Variants in ARHGAP39 observed in about 807,000 individuals in gnomAD.
The protein encoded by ARHGAP39 is rho GTPase-activating protein 39.
A neutral mutation model predicts 106.9 loss-of-function variants in ARHGAP39; 44 were observed. The observed-to-expected ratio is 0.41, with a 90% CI of 0.32 to 0.53. The LOEUF is 0.53. Among genes scored for constraint, ARHGAP39 ranks in the 20% least tolerant of loss-of-function variants. The pLI is 0.21. For missense variants in ARHGAP39, 1,496 were observed against 1,577.3 expected (o/e 0.95, Z 0.87); for synonymous variants, 768 against 693.2 (o/e 1.11, Z -1.69).
intron 1 of ARHGAP39, among the ~76,000 whole-genome samples, chr8:144,609,252 TG>T (rs1212488164): frequency 1.3e-5 from 2 of 152,254 alleles, no homozygotes; most frequent in African/African-American, 4.8e-5. Flanking sequence ...TGTTGGATTT[TG>T]TAAAATACTT....
At chr8:144,572,305 G>A (rs1275972534) in intron 3 of ARHGAP39, among the ~76,000 whole-genome samples, 1 of 152,076 alleles carries the variant, frequency 6.6e-6, no homozygotes, top group Non-Finnish European at 1.5e-5. Flanking sequence ...CAGAACAGAG[G>A]CCTCAGAAAT....
At chr8:144,592,481 G>GA (rs1819442906) in intron 2 of ARHGAP39, among the ~76,000 whole-genome samples, 1 of 122,652 alleles carries the variant, frequency 8.2e-6, no homozygotes, top group Non-Finnish European at 1.7e-5. Flanking sequence ...CCTCCTGGGG[G>GA]ACAGCACTGA....
intron 1 of ARHGAP39, among the ~76,000 whole-genome samples, chr8:144,609,269 G>T (rs1248155836): frequency 6.6e-6 from 1 of 152,026 alleles, no homozygotes; most frequent in Non-Finnish European, 1.5e-5. Flanking sequence ...TACTTTTACT[G>T]TATCTATTGA....
intron 1 of ARHGAP39, among the ~76,000 whole-genome samples, chr8:144,622,970 A>G (rs1820842521): frequency 6.6e-6 from 1 of 152,234 alleles, no homozygotes; most frequent in Non-Finnish European, 1.5e-5. Context: ...GCCACCATCC[A>G]GCCCTAGGGG....
chr8:144,646,769 A>T lies in ARHGAP39; in HGVS notation c.-82+38917T>A, dbSNP rs1821453758. ...CTGGTGAGACCCTCGCTGGGCCCAG[A>T]GTCCAAGCGGGCCATGGCCCTGGCA... On this transcript the variant is annotated intron_variant, in intron 1 of 11. Transcript: ENST00000377307. This position sits in a 1 kb window ranked among gnomAD's most constrained non-coding sequence, Gnocchi z 5.7. Among the ~76,000 whole-genome samples, 1 of 152,218 alleles carries T rather than the reference A, an allele frequency of 6.6e-6. No homozygotes were observed. Among genetic ancestry groups the T allele is most frequent in the Non-Finnish European group, 1.5e-5 (1 of 68,032 alleles).
At chr8:144,615,542 C>T (rs1385499752) in intron 1 of ARHGAP39, among the ~76,000 whole-genome samples, 2 of 152,174 alleles carry the variant, frequency 1.3e-5, no homozygotes, top group South Asian at 4.1e-4. Flanking sequence ...CCCGTCTGGC[C>T]GACACCCTCC....
chr8:144,545,279 G>A lies in ARHGAP39; in HGVS notation c.2491C>T (p.Arg831Trp). ...GTGTCATTGACGGGGTCCATGTGCC[G>A]GTAGATGTAGCCTTCCAGGTAGGAG... ...FHSYLEGYIY[R>W]HMDPVNDTKV... Residue 831 changes from arginine (R) to tryptophan (W), a missense_variant, in exon 6 of 12, where the codon CGG becomes TGG. Arg to Trp is a moderately radical substitution (Grantham distance 101). Coordinates refer to ENST00000377307, the MANE Select transcript of ARHGAP39 (RefSeq NM_025251.3). 1.9e-6 allele frequency: 3 copies of A among 1,557,974 alleles called. No individual in the cohort carries two copies. The highest frequency in any genetic ancestry group is 1.7e-6 in the Non-Finnish European group (2 of 1,146,108).
At chr8:144,593,207 C>T (rs1819472803) in intron 2 of ARHGAP39, among the ~76,000 whole-genome samples, 1 of 152,130 alleles carries the variant, frequency 6.6e-6, no homozygotes, top group Admixed American at 6.5e-5. Flanking sequence ...CCACATAAGC[C>T]TTTTCTGATG....
At chr8:144,696,841 C>T in the ARHGAP39 span, among the ~76,000 whole-genome samples, 2 of 152,138 alleles carry the variant, frequency 1.3e-5, no homozygotes, top group African/African-American at 4.8e-5. Context: ...CCCCTCAGTC[C>T]CTAGTAACCA....
intron 9 of ARHGAP39, among the ~76,000 whole-genome samples, chr8:144,532,768 G>T (rs1172256064): frequency 6.6e-6 from 1 of 152,290 alleles, no homozygotes; most frequent in East Asian, 1.9e-4. Context: ...CATGGGAGTG[G>T]GTGGCACCCT....
chr8:144,665,437 G>A (rs1388115555), intron 1 of ARHGAP39, among the ~76,000 whole-genome samples: 1 of 152,228 alleles, frequency 6.6e-6, no homozygotes, highest in Non-Finnish European at 1.5e-5. Context: ...CAAGACCACG[G>A]GGAAAATGTC....
the ARHGAP39 span, among the ~76,000 whole-genome samples, chr8:144,695,762 G>T: frequency 6.6e-6 from 1 of 152,228 alleles, no homozygotes; most frequent in Non-Finnish European, 1.5e-5. Flanking sequence ...AGTTCTAGGT[G>T]CAGGGGCTTA....
In ARHGAP39 at chr8:144,536,715, C is replaced by T. The variant is rs549660994; in HGVS notation, c.2614+1006G>A. ...CTGCTGGTGGCAGCCTCGGAGGTGCCAGGGTGAGGACAAGTCCCTAGCCCA... is the reference window on the plus strand; with the variant it reads ...CTGCTGGTGGCAGCCTCGGAGGTGCTAGGGTGAGGACAAGTCCCTAGCCCA... On this transcript the variant is annotated intron_variant, in intron 7 of 11. Transcript: ENST00000377307. Among the ~76,000 whole-genome samples the T allele has an allele frequency of 3.3e-5, 5 of 152,312 alleles. No homozygotes were observed. In the South Asian group the frequency reaches 6.2e-4, roughly 19 times the overall value.
chr8:144,532,207 G>C (rs1816752455), intron 10 of ARHGAP39, 98 bp downstream of exon 10: 2 of 973,998 alleles, frequency 2.1e-6, no homozygotes, highest in South Asian at 2.8e-5. Context: ...CACATCACTG[G>C]GCAGGATCAG....
At chr8:144,553,038 C>A (rs117208812) in intron 4 of ARHGAP39, among the ~76,000 whole-genome samples, 2,260 of 152,288 alleles carry the variant, frequency 0.015, 34 homozygotes, top group Non-Finnish European at 0.024. Context: ...GGGCTGGACA[C>A]CAGCTCTCCT....
At chr8:144,579,635 G>A (rs576602229) in intron 3 of ARHGAP39, among the ~76,000 whole-genome samples, 41 of 152,208 alleles carry the variant, frequency 2.7e-4, no homozygotes, top group African/African-American at 9.4e-4. Context: ...CCTGCTGCCC[G>A]CCTCCCTCTG....
At chr8:144,566,682 G>A (rs1216072776) in intron 3 of ARHGAP39, among the ~76,000 whole-genome samples, 1 of 151,730 alleles carries the variant, frequency 6.6e-6, no homozygotes, top group Non-Finnish European at 1.5e-5. Flanking sequence ...ATGGTGAAAC[G>A]CCGGCTCTAC....
chr8:144,698,676 A>G, the ARHGAP39 span: 1 of 341,610 alleles, frequency 2.9e-6, no homozygotes, highest in Non-Finnish European at 5.8e-6. Flanking sequence ...CTAGGAACCT[A>G]TCTGTTCCAT....
intron 1 of ARHGAP39, among the ~76,000 whole-genome samples, chr8:144,642,529 C>G (rs1279209568): frequency 6.6e-6 from 1 of 151,846 alleles, no homozygotes; most frequent in African/African-American, 2.4e-5. Context: ...AAAAAATTAG[C>G]CAGGTGATAC....
Sources: allele counts gnomAD v4.1 joint callset (sites outside exome capture counted in the v4.1 genomes callset), GRCh38; gene constraint gnomAD v4.1.1; non-coding constraint Gnocchi (gnomAD v3.1); transcripts MANE v1.5; gene names NCBI Gene and HGNC (gene_info 2026-07-23, HGNC 2026-07-21).